Variants in ATP11A observed in about 807,000 individuals in gnomAD.
ATP11A encodes phospholipid-transporting ATPase IH.
In ATP11A, 81 loss-of-function variants were observed where a neutral mutation model predicts 154.4. The ratio of observed to expected loss-of-function variants is 0.52; its 90% confidence interval spans 0.44 to 0.63. The LOEUF (loss-of-function observed/expected upper bound fraction) is 0.63. Among genes scored for constraint, ATP11A ranks in the 30% least tolerant of loss-of-function variants. The pLI is 0.00. For missense variants in ATP11A, 1,316 were observed against 1,474.3 expected (o/e 0.89, Z 1.76); for synonymous variants, 623 against 585.9 (o/e 1.06, Z -0.91).
At chr13:112,790,089 TA>T (rs1353620058) in intron 2 of ATP11A, among the ~76,000 whole-genome samples, 9 of 147,312 alleles carry the variant, frequency 6.1e-5, no homozygotes, top group Admixed American at 5.4e-4. Flanking sequence ...GACTCCTATG[TA>T]GACCTATTTA....
At chr13:112,855,703 A>C (rs1423420216) in intron 19 of ATP11A, among the ~76,000 whole-genome samples, 1 of 152,224 alleles carries the variant, frequency 6.6e-6, no homozygotes, top group Non-Finnish European at 1.5e-5. Flanking sequence ...GCTTTACCTA[A>C]AATAGGAATG....
intron 25 of ATP11A, among the ~76,000 whole-genome samples, 187 bp from the exon 26 acceptor site, chr13:112,871,548 C>A (rs567438592): frequency 2.2e-4 from 33 of 152,142 alleles, no homozygotes; most frequent in Non-Finnish European, 4.3e-4. Flanking sequence ...TGGGGGCGTC[C>A]TGCCGTGCTC....
intron 26 of ATP11A, 70 bp downstream of exon 26, chr13:112,871,870 C>T: frequency 2.8e-6 from 4 of 1,447,310 alleles, no homozygotes; most frequent in Non-Finnish European, 3.9e-6. Flanking sequence ...CTCACGCGCT[C>T]TGAGCTCTCT....
chr13:112,779,408 G>C (rs989196961), intron 1 of ATP11A, among the ~76,000 whole-genome samples: 2 of 150,614 alleles, frequency 1.3e-5, no homozygotes, highest in Non-Finnish European at 1.5e-5. Flanking sequence ...GTGAGGAGTA[G>C]CCACTGGAGT....
chr13:112,813,098 G>GA (rs1167880941), intron 5 of ATP11A, among the ~76,000 whole-genome samples: 1 of 152,242 alleles, frequency 6.6e-6, no homozygotes, highest in Non-Finnish European at 1.5e-5. Context: ...GGACGAGAAA[G>GA]AAAAGATCAG....
chr13:112,835,914 C>T (rs1223418033), intron 15 of ATP11A, among the ~76,000 whole-genome samples: 1 of 152,232 alleles, frequency 6.6e-6, no homozygotes, highest in Non-Finnish European at 1.5e-5. Flanking sequence ...TGAGCCTATG[C>T]CCTGGGTAGG....
At position 112,875,865 on chromosome 13, in the gene ATP11A, C is replaced by T; in HGVS notation, c.3251C>T (p.Thr1084Ile). 1.9e-6 allele frequency: 3 copies of T among 1,613,964 alleles called. No homozygotes were observed. Among genetic ancestry groups the T allele is most frequent in the Non-Finnish European group, 2.5e-6 (3 of 1,180,044 alleles). The change falls in exon 28 of 30, where the codon ACC becomes ATC. Residue 1084 changes from threonine (T) to isoleucine (I), a missense_variant. This residue lies in a region of ATP11A where 294 missense variants were observed against 290.2 expected (regional missense o/e 1.01). Coordinates refer to ENST00000375645, the MANE Select transcript of ATP11A (RefSeq NM_015205.3). The surrounding 1 kb of genome is among the most constrained non-coding windows in gnomAD (Gnocchi z 4.1). ...PAWLAIVLLV[T>I]ISLLPDVLKK... ...TGGCTGGCCATCGTGCTGCTGGTGA[C>T]CATCAGCCTCCTTCCCGACGTCCTC...
chr13:112,872,682 G>A (rs188312027), intron 26 of ATP11A, among the ~76,000 whole-genome samples: 81 of 152,352 alleles, frequency 5.3e-4, no homozygotes, highest in Admixed American at 1.0e-3. Context: ...TTTCTTCGGT[G>A]ACGATATAAA....
intron 1 of ATP11A, among the ~76,000 whole-genome samples, chr13:112,726,292 GGA>G (rs1889882624): frequency 6.6e-6 from 1 of 151,564 alleles, no homozygotes; most frequent in Non-Finnish European, 1.5e-5. Flanking sequence ...CTGTGTGCAG[GGA>G]GAGGGGCTGG....
intron 1 of ATP11A, among the ~76,000 whole-genome samples, chr13:112,778,189 G>A (rs149824540): frequency 2.6e-5 from 4 of 152,378 alleles, no homozygotes; most frequent in Non-Finnish European, 4.4e-5. Context: ...GTGGTGGACA[G>A]AAAGCTCACC....
Position 112,882,554 on chromosome 13 carries a change from T to C in ATP11A, c.*688T>C, listed in dbSNP as rs1339067038. ...CGGATGCACCGCCGTACCCTGCTCATCTGGGAGTGGTTTCCCTGCGGTTAC... is the reference window on the plus strand; with the variant it reads ...CGGATGCACCGCCGTACCCTGCTCACCTGGGAGTGGTTTCCCTGCGGTTAC... On this transcript the variant is annotated 3_prime_UTR_variant, in exon 30 of 30. Transcript: ENST00000375645. This position sits in a 1 kb window ranked among gnomAD's most constrained non-coding sequence, Gnocchi z 5.1. 2.7e-5 allele frequency: 11 copies of C among 414,284 alleles called. No individual in the cohort carries two copies. Among genetic ancestry groups the C allele is most frequent in the Non-Finnish European group, 3.8e-5 (9 of 236,724 alleles). 25.7% of individuals were successfully genotyped at this position (414,284 alleles called of 1,614,324 possible). A position where few individuals can be genotyped will look rare whatever the true frequency, so the allele number is the denominator to read the frequency against.
At chr13:112,802,499 G>GA (rs2140121926) in intron 2 of ATP11A, among the ~76,000 whole-genome samples, 2 of 131,996 alleles carry the variant, frequency 1.5e-5, no homozygotes, top group South Asian at 4.9e-4. Context: ...ATTCAGGGCA[G>GA]ACAGAAAAGC....
intron 2 of ATP11A, among the ~76,000 whole-genome samples, chr13:112,803,114 G>T (rs986438283): frequency 1.3e-5 from 2 of 152,140 alleles, no homozygotes; most frequent in Non-Finnish European, 2.9e-5. Context: ...GAACTTTATT[G>T]TGAAAGGTAA....
At chr13:112,821,930 G>A (rs1428099542) in intron 8 of ATP11A, among the ~76,000 whole-genome samples, 1 of 152,172 alleles carries the variant, frequency 6.6e-6, no homozygotes, top group African/African-American at 2.4e-5. Context: ...TGCAGCCTGG[G>A]AGCTCCATCT....
rs902132465 is a variant in ATP11A at position 112,832,865 on chromosome 13, C to T, written c.1401C>T (p.Arg467=). 1.1e-5 allele frequency: 17 copies of T among 1,612,680 alleles called. No individual in the cohort carries two copies. Among genetic ancestry groups the T allele is most frequent in the South Asian group, 4.4e-5 (4 of 90,944 alleles). ...DSSPSVNGRE[R]EELFFRALCL... ...TGGGAACTGCTTTTTTATAGGAGCGCGAGGAGCTGTTTTTCCGGGCCCTCT... is the reference window on the plus strand; with the variant it reads ...TGGGAACTGCTTTTTTATAGGAGCGTGAGGAGCTGTTTTTCCGGGCCCTCT... Residue 467 remains arginine, a synonymous_variant, in exon 14 of 30, where the codon CGC becomes CGT. Transcript: ENST00000375645.
intron 2 of ATP11A, among the ~76,000 whole-genome samples, chr13:112,788,714 G>A (rs368330347): frequency 2.5e-4 from 32 of 128,376 alleles, no homozygotes; most frequent in South Asian, 8.2e-4. Context: ...TACTTAATTC[G>A]CACCTGGCAT....
At position 112,696,315 on chromosome 13, in the gene ATP11A, C is replaced by T. The variant is rs111239828; in HGVS notation, c.39+5860C>T. Among the ~76,000 whole-genome samples, 57 of 152,324 alleles carry T rather than the reference C, an allele frequency of 3.7e-4. No individual in the cohort carries two copies. The highest frequency in any genetic ancestry group is 6.7e-4 in the African/African-American group (28 of 41,578). ...CTTGGGCTTTCCGGAACCTTCTCCC[C>T]GCACTCCTCTTCACGTGGAGAGTGG... On this transcript the variant is annotated intron_variant, in intron 1 of 29. Coordinates refer to ENST00000375645, the MANE Select transcript of ATP11A (RefSeq NM_015205.3). This position sits in a 1 kb window ranked among gnomAD's most constrained non-coding sequence, Gnocchi z 6.2.
intron 14 of ATP11A, 57 bp downstream of exon 14, chr13:112,833,080 A>C: frequency 6.4e-7 from 1 of 1,566,920 alleles, no homozygotes. Context: ...GCCCCTCCCC[A>C]GCCCCAGTCA....
At position 112,831,452 on chromosome 13, in the gene ATP11A, C is replaced by T. The variant is rs1375505322; in HGVS notation, c.1299C>T (p.Gly433=). ...NMEFKECCIE[G]HVYVPHVICN... ...AGTTCAAGGAGTGCTGCATCGAAGG[C>T]CATGTCTACGTGCCCCACGTCATCT... The change falls in exon 13 of 30, where the codon GGC becomes GGT. Residue 433 remains glycine, a synonymous_variant. Coordinates refer to ENST00000375645, the MANE Select transcript of ATP11A (RefSeq NM_015205.3). The T allele has an allele frequency of 6.2e-7, 1 of 1,614,212 alleles. No individual in the cohort carries two copies.
Sources: allele counts gnomAD v4.1 joint callset (sites outside exome capture counted in the v4.1 genomes callset), GRCh38; gene constraint gnomAD v4.1.1; regional missense constraint gnomAD v4.1.1; non-coding constraint Gnocchi (gnomAD v3.1); transcripts MANE v1.5; gene names NCBI Gene and HGNC (gene_info 2026-07-23, HGNC 2026-07-21).